Variants in CSMD1 observed in about 807,000 individuals in gnomAD.
CSMD1 encodes CUB and Sushi multiple domains 1, also known as CUB and sushi domain-containing protein 1.
Under a neutral mutation model 417.5 loss-of-function variants are expected in CSMD1, and 213 were observed. The ratio of observed to expected loss-of-function variants is 0.51; its 90% CI spans 0.46 to 0.57. The LOEUF (loss-of-function observed/expected upper bound fraction) is 0.57, where lower values mean the gene tolerates loss of function less well. Among genes scored for constraint, CSMD1 ranks in the 20% least tolerant of loss-of-function variants. The pLI, the probability that CSMD1 is intolerant of heterozygous loss-of-function variation, is 0.00. For missense variants in CSMD1, 6,923 were observed against 4,529.7 expected (o/e 1.53, Z -15.17); for synonymous variants, 2,862 against 1,736.8 (o/e 1.65, Z -16.11).
chr8:3,192,426 T>C (rs1796479178), intron 33 of CSMD1, among the ~76,000 whole-genome samples: 4 of 152,206 alleles, frequency 2.6e-5, no homozygotes, highest in Non-Finnish European at 5.9e-5. Flanking sequence ...TTTATACACA[T>C]AGTCTGATAC....
chr8:3,202,290 C>T (rs1797031592), intron 31 of CSMD1, among the ~76,000 whole-genome samples: 1 of 152,162 alleles, frequency 6.6e-6, no homozygotes, highest in Admixed American at 6.5e-5. Context: ...TTTAAAATTC[C>T]TCACAAAAGA....
intron 30 of CSMD1, among the ~76,000 whole-genome samples, chr8:3,208,199 A>C (rs1247886210): frequency 6.6e-6 from 1 of 152,194 alleles, no homozygotes; most frequent in Non-Finnish European, 1.5e-5. Flanking sequence ...TTAGACAAGA[A>C]GTATAAATAA....
chr8:4,255,620 C>G (rs759777338), intron 3 of CSMD1, among the ~76,000 whole-genome samples: 1 of 152,164 alleles, frequency 6.6e-6, no homozygotes, highest in African/African-American at 2.4e-5. Flanking sequence ...TGATTTTTAT[C>G]AGCAACAACC....
intron 2 of CSMD1, among the ~76,000 whole-genome samples, chr8:4,441,941 T>C (rs1186869346): frequency 2.6e-5 from 4 of 152,190 alleles, no homozygotes; most frequent in East Asian, 1.9e-4. Flanking sequence ...ACATAACCAT[T>C]GTACTGAGAA....
At chr8:4,651,525 G>A (rs916735049) in intron 1 of CSMD1, among the ~76,000 whole-genome samples, 1 of 152,032 alleles carries the variant, frequency 6.6e-6, no homozygotes, top group Admixed American at 6.6e-5. Context: ...AAAGTTTACT[G>A]GTTTCTCTAA....
At chr8:3,823,386 T>C (rs911932894) in intron 5 of CSMD1, among the ~76,000 whole-genome samples, 1 of 152,188 alleles carries the variant, frequency 6.6e-6, no homozygotes, top group Non-Finnish European at 1.5e-5. Context: ...GAAAGTTAAA[T>C]ACTGTTAGAT....
At chr8:3,039,368 T>TTCCTTCCTCTCTCCCTCCC (rs1810923716) in intron 50 of CSMD1, among the ~76,000 whole-genome samples, 2 of 142,432 alleles carry the variant, frequency 1.4e-5, no homozygotes, top group African/African-American at 5.9e-5. Context: ...CCTCCTTTAC[T>TTCCTTCCTCTCTCCCTCCC]TTCCTTTCTT....
At chr8:3,376,706 A>G (rs1810328186) in intron 18 of CSMD1, among the ~76,000 whole-genome samples, 1 of 152,186 alleles carries the variant, frequency 6.6e-6, no homozygotes, top group Non-Finnish European at 1.5e-5. Context: ...TGAAAGAGTA[A>G]TGTTAAAAAC....
intron 3 of CSMD1, among the ~76,000 whole-genome samples, chr8:4,169,515 T>C (rs1797645610): frequency 6.6e-6 from 1 of 152,172 alleles, no homozygotes; most frequent in Non-Finnish European, 1.5e-5. Context: ...CTCCATTTTC[T>C]CTCCTCCAGA....
At chr8:2,979,954 T>C (rs1298000706) in intron 54 of CSMD1, among the ~76,000 whole-genome samples, 2 of 152,238 alleles carry the variant, frequency 1.3e-5, no homozygotes, top group Non-Finnish European at 2.9e-5. Flanking sequence ...AGGAATTACC[T>C]AATGTGAGAA....
intron 30 of CSMD1, among the ~76,000 whole-genome samples, chr8:3,213,753 G>C (rs1184488520): frequency 6.6e-6 from 1 of 150,634 alleles, no homozygotes; most frequent in African/African-American, 2.4e-5. Context: ...ATATATGTGT[G>C]TGTATGTATA....
chr8:4,041,367 C>T lies in CSMD1; in HGVS notation c.416-9268G>A, dbSNP rs143476597. 1.4e-3 allele frequency among the ~76,000 whole-genome samples: 213 copies of T among 152,214 alleles called. 2 individuals are homozygous for T. Among genetic ancestry groups the T allele is most frequent in the African/African-American group, 4.6e-3 (193 of 41,526 alleles). ...AAGAATTAATCCATATATAAATTTT[C>T]GCAAAACTATGACAAGAATTGTTAA... is the stretch of plus-strand genomic sequence containing the variant. On this transcript the variant is annotated intron_variant, in intron 3 of 69. Transcript: ENST00000635120.
At chr8:4,118,859 T>G (rs765510812) in intron 3 of CSMD1, among the ~76,000 whole-genome samples, 1 of 152,152 alleles carries the variant, frequency 6.6e-6, no homozygotes, top group Non-Finnish European at 1.5e-5. Context: ...TCAACAATGT[T>G]AGACTGGATA....
At chr8:4,265,359 C>A (rs533669101) in intron 3 of CSMD1, among the ~76,000 whole-genome samples, 1 of 108,116 alleles carries the variant, frequency 9.2e-6, no homozygotes, top group South Asian at 3.4e-4. Context: ...TGTCTCTGCA[C>A]AGTATCATTT....
chr8:4,071,353 C>G (rs1020209022), intron 3 of CSMD1, among the ~76,000 whole-genome samples: 13 of 152,038 alleles, frequency 8.6e-5, no homozygotes, highest in African/African-American at 3.1e-4. Context: ...CTCCCTAACT[C>G]TTATGTCATT....
intron 25 of CSMD1, among the ~76,000 whole-genome samples, chr8:3,291,824 C>T (rs1026780485): frequency 1.3e-5 from 2 of 152,020 alleles, no homozygotes; most frequent in Non-Finnish European, 2.9e-5. Context: ...GTCTCTATTT[C>T]CTTCAGTTCT....
chr8:3,446,621 G>A (rs562730456), intron 12 of CSMD1, among the ~76,000 whole-genome samples: 39 of 152,272 alleles, frequency 2.6e-4, no homozygotes, highest in African/African-American at 8.9e-4. Context: ...ACTCTGTGTA[G>A]ACAAAAGAAA....
intron 12 of CSMD1, among the ~76,000 whole-genome samples, chr8:3,443,333 G>GGA (rs199701572): frequency 6.6e-6 from 1 of 152,106 alleles, no homozygotes; most frequent in Non-Finnish European, 1.5e-5. Flanking sequence ...CAGAGAAAGA[G>GGA]GAGAGAGAGA....
chr8:3,431,689 G>T (rs143434235), intron 12 of CSMD1, among the ~76,000 whole-genome samples: 7 of 152,232 alleles, frequency 4.6e-5, no homozygotes, highest in African/African-American at 1.7e-4. Context: ...ATGACCCATA[G>T]TCTTGCTAAA....
Sources: allele counts gnomAD v4.1 joint callset (sites outside exome capture counted in the v4.1 genomes callset), GRCh38; gene constraint gnomAD v4.1.1; transcripts MANE v1.5; gene names NCBI Gene and HGNC (gene_info 2026-07-23, HGNC 2026-07-21).